The following SPSB4 variants were observed in gnomAD, a reference collection of about 807,000 sequenced individuals.
SPSB4 encodes SPRY domain-containing SOCS box protein 4.
In SPSB4, 21 loss-of-function variants were observed where a neutral mutation model predicts 20.9. That is an observed-to-expected ratio of 1.01 (90% CI 0.71 to 1.45). The LOEUF (loss-of-function observed/expected upper bound fraction) is 1.45, where lower values mean the gene tolerates loss of function less well. Among genes scored for constraint, SPSB4 ranks in the 40% most tolerant of loss-of-function variants. SPSB4 has a pLI of 0.00. For missense variants in SPSB4, 399 were observed against 399.2 expected, an observed-to-expected ratio of 1.00 and a Z score of 0.00; for synonymous variants, 207 against 183.8, an observed-to-expected ratio of 1.13 and a Z score of -1.02.
At chr3:141,134,071 T>TTTTTTTC (rs1939187139) in intron 2 of SPSB4, among the ~76,000 whole-genome samples, 1 of 145,360 alleles carries the variant, frequency 6.9e-6, no homozygotes. Flanking sequence ...TTTTTTTTTT[T>TTTTTTTC]TTTTGCAGCT....
intron 2 of SPSB4, among the ~76,000 whole-genome samples, chr3:141,119,088 C>G (rs1024613166): frequency 6.6e-6 from 1 of 152,204 alleles, no homozygotes; most frequent in African/African-American, 2.4e-5. Context: ...GGCAGTATGA[C>G]TGTTTTCACA....
intron 2 of SPSB4, among the ~76,000 whole-genome samples, chr3:141,104,640 G>C (rs1341511059): frequency 6.6e-6 from 1 of 152,232 alleles, no homozygotes; most frequent in Non-Finnish European, 1.5e-5. Flanking sequence ...GCAGGCAGTG[G>C]TGTCTGCAGA....
intron 2 of SPSB4, among the ~76,000 whole-genome samples, chr3:141,109,349 G>A (rs556544154): frequency 6.6e-6 from 1 of 152,002 alleles, no homozygotes; most frequent in Non-Finnish European, 1.5e-5. Context: ...TCCTAGCTTA[G>A]AGACCTTCTC....
intron 2 of SPSB4, among the ~76,000 whole-genome samples, chr3:141,072,836 C>T (rs1352470480): frequency 6.6e-6 from 1 of 152,180 alleles, no homozygotes; most frequent in Non-Finnish European, 1.5e-5. Context: ...TGCTGGCAGC[C>T]ACTATTAGCA....
chr3:141,103,334 C>G (rs1938641483), intron 2 of SPSB4, among the ~76,000 whole-genome samples: 1 of 152,210 alleles, frequency 6.6e-6, no homozygotes, highest in Non-Finnish European at 1.5e-5. Flanking sequence ...AGGTCAGGCA[C>G]AGTGTGGACA....
chr3:141,083,013 C>T (rs1938268667), intron 2 of SPSB4, among the ~76,000 whole-genome samples: 3 of 151,002 alleles, frequency 2.0e-5, no homozygotes, highest in African/African-American at 7.3e-5. Context: ...CCTGTGTCCA[C>T]CATGGACCTC....
At chr3:141,092,496 C>T (rs1003641427) in intron 2 of SPSB4, among the ~76,000 whole-genome samples, 1 of 152,234 alleles carries the variant, frequency 6.6e-6, no homozygotes, top group Non-Finnish European at 1.5e-5. Flanking sequence ...ACAACTAATA[C>T]CTCCATGTGC....
intron 2 of SPSB4, among the ~76,000 whole-genome samples, chr3:141,133,177 C>G (rs774956127): frequency 3.4e-4 from 52 of 151,924 alleles, no homozygotes; most frequent in Non-Finnish European, 6.6e-4. Context: ...TGCTGATTTG[C>G]TTGAGTTCCT....
intron 2 of SPSB4, among the ~76,000 whole-genome samples, chr3:141,130,619 G>T (rs186973361): frequency 4.1e-4 from 62 of 152,228 alleles, no homozygotes; most frequent in African/African-American, 1.5e-3. Context: ...TAAATACAGG[G>T]TTGGGGTAGG....
At chr3:141,108,024 G>T (rs1254779699) in intron 2 of SPSB4, among the ~76,000 whole-genome samples, 8 of 152,008 alleles carry the variant, frequency 5.3e-5, no homozygotes, top group Non-Finnish European at 1.2e-4. Context: ...GTCCTGCTTG[G>T]GCTAATGTTT....
intron 2 of SPSB4, among the ~76,000 whole-genome samples, chr3:141,073,374 A>T (rs1559841399): frequency 1.3e-5 from 2 of 152,112 alleles, no homozygotes; most frequent in Non-Finnish European, 2.9e-5. Flanking sequence ...AATCACGTTA[A>T]TTTTTTCTCT....
intron 2 of SPSB4, among the ~76,000 whole-genome samples, chr3:141,072,612 G>T (rs1026285369): frequency 1.3e-5 from 2 of 152,144 alleles, no homozygotes; most frequent in African/African-American, 4.8e-5. Context: ...AGCAGAAGCC[G>T]TGCCATGTTT....
intron 2 of SPSB4, among the ~76,000 whole-genome samples, chr3:141,072,699 C>T (rs1043358554): frequency 5.3e-5 from 8 of 152,140 alleles, no homozygotes; most frequent in Non-Finnish European, 8.8e-5. Flanking sequence ...TTCTTTATAG[C>T]GACACAAAAC....
chr3:141,107,597 A>T (rs989085794), intron 2 of SPSB4, among the ~76,000 whole-genome samples: 5 of 152,206 alleles, frequency 3.3e-5, no homozygotes. Context: ...TTGCATGTGA[A>T]TATCATCCTG....
At chr3:141,092,322 A>G (rs1938468398) in intron 2 of SPSB4, among the ~76,000 whole-genome samples, 1 of 152,240 alleles carries the variant, frequency 6.6e-6, no homozygotes, top group African/African-American at 2.4e-5. Flanking sequence ...TATTATTAGC[A>G]TTAGCATTAG....
At chr3:141,065,420 C>G (rs1937844614) in intron 1 of SPSB4, among the ~76,000 whole-genome samples, 1 of 152,228 alleles carries the variant, frequency 6.6e-6, no homozygotes, top group African/African-American at 2.4e-5. Context: ...GGGCCACACC[C>G]TACAGCCCTG....
At chr3:141,120,245 C>T (rs930340807) in intron 2 of SPSB4, among the ~76,000 whole-genome samples, 5 of 152,152 alleles carry the variant, frequency 3.3e-5, no homozygotes, top group African/African-American at 1.2e-4. Flanking sequence ...TTTCTTAATC[C>T]TGAGTTCAAA....
At chr3:141,097,463 G>C (rs2107794209) in intron 2 of SPSB4, among the ~76,000 whole-genome samples, 1 of 152,230 alleles carries the variant, frequency 6.6e-6, no homozygotes, top group East Asian at 1.9e-4. Context: ...TACCCAAGTT[G>C]GCCAAGCTGG....
chr3:141,143,239 G>T (rs937121492), intron 2 of SPSB4, among the ~76,000 whole-genome samples: 4 of 152,174 alleles, frequency 2.6e-5, no homozygotes, highest in African/African-American at 9.7e-5. Context: ...TTTACCTTAA[G>T]TTTATGTGAG....
Sources: gnomAD v4.1 joint callset for allele counts (sites outside exome capture counted in the v4.1 genomes callset) on GRCh38, gnomAD v4.1.1 for gene constraint, MANE v1.5 for transcripts, NCBI Gene and HGNC (gene_info 2026-07-23, HGNC 2026-07-21) for gene names.